ZBTB20: variants seen among roughly 807,000 people sequenced by gnomAD.
The protein encoded by ZBTB20 is zinc finger and BTB domain containing 20, also known as zinc finger and BTB domain-containing protein 20.
A neutral mutation model predicts 56.9 loss-of-function variants in ZBTB20; 9 were observed. The ratio of observed to expected loss-of-function variants is 0.16; its 90% CI spans 0.10 to 0.28. The LOEUF (loss-of-function observed/expected upper bound fraction) is 0.28. ZBTB20 is among the 10% of genes least tolerant of loss of function. ZBTB20 has a pLI of 1.00. For synonymous variants in ZBTB20, 417 were observed against 420.7 expected (o/e 0.99, Z 0.11); for missense variants, 655 against 1,003.0 (o/e 0.65, Z 4.69).
At chr3:114,928,579 G>T (rs1002220781) in intron 3 of ZBTB20, among the ~76,000 whole-genome samples, 3 of 152,142 alleles carry the variant, frequency 2.0e-5, no homozygotes, top group Non-Finnish European at 4.4e-5. Context: ...TGCCTTTCAC[G>T]CAAGTGCAAA....
intron 5 of ZBTB20, among the ~76,000 whole-genome samples, chr3:114,781,909 G>A (rs1243715512): frequency 6.6e-6 from 1 of 152,108 alleles, no homozygotes; most frequent in East Asian, 1.9e-4. Flanking sequence ...ATGATTGTGA[G>A]GTCTACCCAG....
At chr3:114,925,944 G>A (rs1047566000) in intron 3 of ZBTB20, among the ~76,000 whole-genome samples, 13 of 152,146 alleles carry the variant, frequency 8.5e-5, no homozygotes, top group Non-Finnish European at 1.5e-4. Context: ...TTGTTCTCAT[G>A]GGACATTAAT....
chr3:114,429,555 G>T (rs1173023428), intron 7 of ZBTB20, among the ~76,000 whole-genome samples: 2 of 152,146 alleles, frequency 1.3e-5, no homozygotes, highest in African/African-American at 2.4e-5. Flanking sequence ...CTCTGAGAGG[G>T]TATTGAGGTT....
chr3:114,345,810 T>C (rs1560103454), intron 11 of ZBTB20, among the ~76,000 whole-genome samples: 1 of 152,220 alleles, frequency 6.6e-6, no homozygotes, highest in Non-Finnish European at 1.5e-5. Context: ...TCCACATCCA[T>C]GTTGACACCA....
intron 6 of ZBTB20, among the ~76,000 whole-genome samples, chr3:114,599,522 A>C (rs2056595770): frequency 6.6e-6 from 1 of 152,054 alleles, no homozygotes. Context: ...TTCATCTTTT[A>C]AGTATCTTAT....
In ZBTB20 at chr3:114,333,537, A is replaced by G. The variant is rs2079341569; in HGVS notation, c.*5468T>C. ...GTCAGCTCAAGCACTCTCTTCATGC[A>G]CTGCAGGCTCAGGAGGCATTGGGTT... On this transcript the variant is annotated 3_prime_UTR_variant, in exon 12 of 12. Transcript: ENST00000675478. 6.6e-6 allele frequency: 1 copy of G among 152,260 alleles called. No homozygotes were observed. The highest frequency in any genetic ancestry group is 1.9e-4 in the East Asian group (1 of 5,200). 9.4% of individuals were successfully genotyped at this position (152,260 alleles called of 1,614,324 possible). A position where few individuals can be genotyped will look rare whatever the true frequency, so the allele number is the denominator to read the frequency against.
chr3:114,667,963 G>C (rs2061153251), intron 6 of ZBTB20, among the ~76,000 whole-genome samples: 1 of 151,856 alleles, frequency 6.6e-6, no homozygotes, highest in Non-Finnish European at 1.5e-5. Flanking sequence ...AATGCTATAA[G>C]ACTCTGTCAA....
chr3:114,645,944 A>G (rs993403377), intron 6 of ZBTB20, among the ~76,000 whole-genome samples: 3 of 151,998 alleles, frequency 2.0e-5, no homozygotes, highest in Non-Finnish European at 2.9e-5. Flanking sequence ...CACAGCCCTC[A>G]ACTATGGCAT....
intron 5 of ZBTB20, among the ~76,000 whole-genome samples, chr3:114,714,336 CTA>C (rs1184135608): frequency 6.6e-6 from 1 of 152,192 alleles, no homozygotes; most frequent in African/African-American, 2.4e-5. Flanking sequence ...AAGCCCAACT[CTA>C]CATTCTGCTC....
intron 2 of ZBTB20, among the ~76,000 whole-genome samples, chr3:115,066,815 GCCAAATGTCCCTT>G (rs1421563729): frequency 6.6e-6 from 1 of 151,958 alleles, no homozygotes; most frequent in African/African-American, 2.4e-5. Context: ...AACACCAAAT[GCCAAATGTCCCTT>G]CCCCTGTCTT....
At chr3:115,120,994 A>G (rs2084167826) in intron 1 of ZBTB20, among the ~76,000 whole-genome samples, 2 of 152,108 alleles carry the variant, frequency 1.3e-5, no homozygotes. Flanking sequence ...TCAAGAATCA[A>G]CAGGAAGTGA....
At chr3:114,549,328 T>G (rs2050270902) in intron 6 of ZBTB20, among the ~76,000 whole-genome samples, 1 of 152,236 alleles carries the variant, frequency 6.6e-6, no homozygotes, top group South Asian at 2.1e-4. Flanking sequence ...TATGACTTAG[T>G]ACAGTGGGAC....
chr3:114,432,013 G>C (rs543293881), intron 7 of ZBTB20, among the ~76,000 whole-genome samples: 1 of 152,114 alleles, frequency 6.6e-6, no homozygotes, highest in African/African-American at 2.4e-5. Flanking sequence ...GGAGAATAAC[G>C]GATGTGCAGT....
intron 5 of ZBTB20, among the ~76,000 whole-genome samples, chr3:114,758,185 G>T (rs1028906898): frequency 2.0e-5 from 3 of 152,054 alleles, no homozygotes; most frequent in Non-Finnish European, 4.4e-5. Context: ...AGCTGTACTT[G>T]TAAGAGTATC....
intron 6 of ZBTB20, among the ~76,000 whole-genome samples, chr3:114,543,334 G>A (rs2049339870): frequency 6.6e-6 from 1 of 151,910 alleles, no homozygotes; most frequent in African/African-American, 2.4e-5. Flanking sequence ...CATAAATACT[G>A]AGGGCTAACT....
intron 5 of ZBTB20, among the ~76,000 whole-genome samples, chr3:114,708,803 C>A (rs1578453282): frequency 6.6e-6 from 1 of 152,144 alleles, no homozygotes; most frequent in East Asian, 1.9e-4. Context: ...ACACAAAGTG[C>A]AAAAAGACCA....
At chr3:114,991,468 A>C (rs959204197) in intron 2 of ZBTB20, among the ~76,000 whole-genome samples, 3 of 152,076 alleles carry the variant, frequency 2.0e-5, no homozygotes, top group African/African-American at 7.2e-5. Context: ...GGTCTGAGAG[A>C]AAGTTTGTTA....
intron 4 of ZBTB20, among the ~76,000 whole-genome samples, chr3:114,804,600 T>A: frequency 6.6e-6 from 1 of 152,062 alleles, no homozygotes. Flanking sequence ...ACTTTAATTA[T>A]TTATTTTAGT....
chr3:115,094,480 CAT>C (rs1233421088), intron 1 of ZBTB20, among the ~76,000 whole-genome samples: 1 of 150,796 alleles, frequency 6.6e-6, no homozygotes, highest in Non-Finnish European at 1.5e-5. Context: ...TTCACATACA[CAT>C]ATATATCAAC....
Sources: gnomAD v4.1 joint callset for allele counts (sites outside exome capture counted in the v4.1 genomes callset) on GRCh38, gnomAD v4.1.1 for gene constraint, MANE v1.5 for transcripts, NCBI Gene and HGNC (gene_info 2026-07-23, HGNC 2026-07-21) for gene names.